The following RALGPS2 variants were observed in gnomAD, a reference collection of about 807,000 sequenced individuals.
RALGPS2 encodes ras-specific guanine nucleotide-releasing factor RalGPS2.
RALGPS2 carries 43 observed loss-of-function variants against 86.8 expected under a neutral mutation model. That is an observed-to-expected ratio of 0.50 (90% CI 0.39 to 0.64). The LOEUF (loss-of-function observed/expected upper bound fraction) is 0.64, where lower values mean the gene tolerates loss of function less well. Among genes scored for constraint, RALGPS2 ranks in the 30% least tolerant of loss-of-function variants. RALGPS2 has a pLI of 0.00. For missense variants in RALGPS2, 536 were observed against 694.6 expected (o/e 0.77, Z 2.57); for synonymous variants, 243 against 231.3 (o/e 1.05, Z -0.46).
chr1:178,889,147 G>A (rs1659614629), intron 13 of RALGPS2, among the ~76,000 whole-genome samples: 1 of 151,640 alleles, frequency 6.6e-6, no homozygotes, highest in South Asian at 2.1e-4. Context: ...ACCGGTTTTT[G>A]GTTTTTTAAA....
rs565036181 is a variant in RALGPS2 at position 178,921,518 on chromosome 1, G to C, written c.*5159G>C. Reference sequence around the variant, plus strand: ...TACTAAAGAACATGTGTGTGGGGAGGGGGTGGGGAACTGGTTCACAACATA... The same window carrying C: ...TACTAAAGAACATGTGTGTGGGGAGCGGGTGGGGAACTGGTTCACAACATA... On this transcript the variant is annotated 3_prime_UTR_variant, in exon 20 of 20. Transcript: ENST00000367635. 1.1e-3 allele frequency: 163 copies of C among 151,948 alleles called. No individual in the cohort carries two copies. Among genetic ancestry groups the C allele is most frequent in the African/African-American group, 3.8e-3 (156 of 41,486 alleles). The allele number at this position is 151,948 out of a possible 1,614,324, so 9.4% of individuals were successfully genotyped here. A position where few individuals can be genotyped will look rare whatever the true frequency, so the allele number is the denominator to read the frequency against.
intron 1 of RALGPS2, among the ~76,000 whole-genome samples, chr1:178,769,493 G>A (rs1051459273): frequency 6.6e-6 from 1 of 151,602 alleles, no homozygotes; most frequent in Non-Finnish European, 1.5e-5. Context: ...AAGCAGAGAG[G>A]GCCCTGCTGC....
rs532156483 is a variant in RALGPS2, at chr1:178,751,801, C to T, written c.-83-24881C>T. Among the ~76,000 whole-genome samples, 4 of 152,234 alleles carry T rather than the reference C, an allele frequency of 2.6e-5. No homozygotes were observed. The South Asian group carries it at 8.3e-4, about 32-fold the overall frequency. On this transcript the variant is annotated intron_variant, in intron 1 of 19. Transcript: ENST00000367635. ...ATTTACTAGAACATTTCTTGAAATC[C>T]TTCTGGTGAAATTAAAGTATGTGGG...
intron 10 of RALGPS2, among the ~76,000 whole-genome samples, chr1:178,880,354 G>A (rs2184464): frequency 0.2 from 30,426 of 152,024 alleles, 4,844 homozygotes; most frequent in African/African-American, 0.45. Flanking sequence ...AAATTTTACT[G>A]ATGTTTGAAA....
At chr1:178,844,311 A>C (rs1346351385) in intron 8 of RALGPS2, among the ~76,000 whole-genome samples, 5 of 152,196 alleles carry the variant, frequency 3.3e-5, no homozygotes, top group Non-Finnish European at 7.4e-5. Context: ...GGTCCAAACT[A>C]ATAGTTTTTT....
At chr1:178,766,868 A>G (rs1652532126) in intron 1 of RALGPS2, among the ~76,000 whole-genome samples, 1 of 152,222 alleles carries the variant, frequency 6.6e-6, no homozygotes, top group Admixed American at 6.5e-5. Context: ...TCTCCCTTTC[A>G]GGGATGCCAA....
At chr1:178,747,576 G>T in intron 1 of RALGPS2, 9 of 1,610,880 alleles carry the variant, frequency 5.6e-6, no homozygotes, top group Non-Finnish European at 8.5e-7. Flanking sequence ...CATGTGTTAG[G>T]AAGTGGACCC....
At chr1:178,906,666 C>G in intron 18 of RALGPS2, 110 bp from the exon 19 acceptor site, 1 of 784,170 alleles carries the variant, frequency 1.3e-6, no homozygotes, top group South Asian at 1.6e-5. Flanking sequence ...GAATAGAATT[C>G]TAAAACTGAA....
chr1:178,845,987 C>T (rs141363150), intron 8 of RALGPS2, among the ~76,000 whole-genome samples: 215 of 152,208 alleles, frequency 1.4e-3, no homozygotes, highest in African/African-American at 4.9e-3. Context: ...AAGAATCTTA[C>T]CGATTTGGTT....
intron 8 of RALGPS2, among the ~76,000 whole-genome samples, chr1:178,844,645 T>G (rs1297882057): frequency 6.6e-6 from 1 of 152,136 alleles, no homozygotes; most frequent in East Asian, 1.9e-4. Flanking sequence ...TATAAGAGAA[T>G]TATTGCTTTT....
At chr1:178,879,071 A>C in intron 10 of RALGPS2, 79 bp downstream of exon 10, 1 of 1,537,048 alleles carries the variant, frequency 6.5e-7, no homozygotes, top group South Asian at 1.3e-5. Flanking sequence ...TTAAACATCT[A>C]AATCCTACAT....
At chr1:178,748,067 C>G (rs1041847808) in intron 1 of RALGPS2, among the ~76,000 whole-genome samples, 2 of 152,214 alleles carry the variant, frequency 1.3e-5, no homozygotes, top group African/African-American at 2.4e-5. Flanking sequence ...CTTCTGTAAT[C>G]CCAGCACTTT....
intron 8 of RALGPS2, among the ~76,000 whole-genome samples, chr1:178,864,175 G>A (rs937581637): frequency 6.6e-6 from 1 of 152,058 alleles, no homozygotes; most frequent in African/African-American, 2.4e-5. Context: ...ATTCATCTTT[G>A]CTTTCTGGAC....
chr1:178,729,850 G>C (rs1650235450), intron 1 of RALGPS2, among the ~76,000 whole-genome samples: 1 of 152,122 alleles, frequency 6.6e-6, no homozygotes, highest in Admixed American at 6.5e-5. Flanking sequence ...TCCCTCCTGT[G>C]TCCTGCTTTC....
At chr1:178,839,972 C>A (rs1656505318) in intron 8 of RALGPS2, among the ~76,000 whole-genome samples, 1 of 152,140 alleles carries the variant, frequency 6.6e-6, no homozygotes, top group South Asian at 2.1e-4. Context: ...ATATATGCAC[C>A]CAATACAGGA....
At chr1:178,788,852 TTTCTTTTCTTTTC>T (rs1446333574) in intron 4 of RALGPS2, among the ~76,000 whole-genome samples, 2 of 63,798 alleles carry the variant, frequency 3.1e-5, no homozygotes, top group Non-Finnish European at 7.0e-5. Context: ...TTTCTTTTCT[TTTCTTTTCTTTTC>T]TTTTCTTTTC....
At chr1:178,875,957 C>T (rs1658984823) in intron 8 of RALGPS2, among the ~76,000 whole-genome samples, 1 of 151,732 alleles carries the variant, frequency 6.6e-6, no homozygotes, top group African/African-American at 2.4e-5. Flanking sequence ...TTTGGAACCT[C>T]AAGATTCATT....
chr1:178,910,275 C>T (rs1295435392), intron 19 of RALGPS2, among the ~76,000 whole-genome samples: 1 of 152,110 alleles, frequency 6.6e-6, no homozygotes, highest in East Asian at 1.9e-4. Flanking sequence ...ATTGCTCTGG[C>T]TGGGACCTCC....
chr1:178,883,684 T>G, intron 11 of RALGPS2, 151 bp downstream of exon 11: 2 of 694,152 alleles, frequency 2.9e-6, no homozygotes, highest in Non-Finnish European at 4.6e-6. Context: ...GGTTTTTTGG[T>G]TTTTAATTTA....
Sources: gnomAD v4.1 joint callset for allele counts (sites outside exome capture counted in the v4.1 genomes callset) on GRCh38, gnomAD v4.1.1 for gene constraint, MANE v1.5 for transcripts, NCBI Gene and HGNC (gene_info 2026-07-23, HGNC 2026-07-21) for gene names.